Variants in ASPH observed in about 807,000 individuals in gnomAD.
ASPH encodes aspartate beta-hydroxylase, also known as aspartyl/asparaginyl beta-hydroxylase.
Under a neutral mutation model 118.4 loss-of-function variants are expected in ASPH, and 100 were observed. The observed-to-expected ratio is 0.84, with a 90% CI of 0.72 to 1.00. The LOEUF (loss-of-function observed/expected upper bound fraction) is 1.00. ASPH is among the 50% of genes least tolerant of loss of function. The pLI, the probability that ASPH is intolerant of heterozygous loss-of-function variation, is 0.00. For synonymous variants in ASPH, 315 were observed against 325.6 expected, an observed-to-expected ratio of 0.97 and a Z score of 0.35; for missense variants, 920 against 919.5, an observed-to-expected ratio of 1.00 and a Z score of -0.01.
At chr8:61,628,980 C>CA (rs1024421181) in intron 13 of ASPH, among the ~76,000 whole-genome samples, 50 of 152,316 alleles carry the variant, frequency 3.3e-4, no homozygotes, top group African/African-American at 1.2e-3. Context: ...CCCTTGCCCC[C>CA]AGACCTCTGG....
At chr8:61,618,554 A>G (rs1849815689) in intron 14 of ASPH, among the ~76,000 whole-genome samples, 1 of 152,246 alleles carries the variant, frequency 6.6e-6, no homozygotes, top group Non-Finnish European at 1.5e-5. Context: ...TTGACATATC[A>G]ACAATAAATG....
At chr8:61,667,254 C>T (rs901334119) in intron 3 of ASPH, among the ~76,000 whole-genome samples, 3 of 152,096 alleles carry the variant, frequency 2.0e-5, no homozygotes, top group African/African-American at 7.2e-5. Flanking sequence ...CATGCCTCTA[C>T]CCACAAAGAA....
intron 14 of ASPH, among the ~76,000 whole-genome samples, chr8:61,584,662 TTTC>T (rs1323077774): frequency 2.0e-4 from 31 of 151,328 alleles, no homozygotes; most frequent in Non-Finnish European, 2.7e-4. Context: ...TTTTTCTTTC[TTTC>T]TTCTTTTTTT....
chr8:61,714,423 G>A lies in ASPH; in HGVS notation c.-52C>T. 1 of 1,393,294 alleles carries A rather than the reference G, an allele frequency of 7.2e-7. No individual in the cohort carries two copies. The highest frequency in any genetic ancestry group is 9.3e-7 in the Non-Finnish European group (1 of 1,070,516). The allele number at this position is 1,393,294 out of a possible 1,614,324, so 86.3% of individuals were successfully genotyped here. A position where few individuals can be genotyped will look rare whatever the true frequency, so the allele number is the denominator to read the frequency against. ...GCTGGCGGACCTCCTTCAGTGCGCG[G>A]GGGTACACACGCGACGCGGGAACCG... On this transcript the variant is annotated 5_prime_UTR_variant, in exon 1 of 25. Transcript: ENST00000379454.
At chr8:61,698,173 C>G (rs915160412) in intron 1 of ASPH, among the ~76,000 whole-genome samples, 1 of 152,162 alleles carries the variant, frequency 6.6e-6, no homozygotes, top group African/African-American at 2.4e-5. Context: ...AGAAGCAGTT[C>G]AGAGACTCCA....
chr8:61,595,984 C>A (rs1842405781), intron 14 of ASPH, among the ~76,000 whole-genome samples: 1 of 149,450 alleles, frequency 6.7e-6, no homozygotes, highest in Admixed American at 6.6e-5. Context: ...CCCCAGTGTG[C>A]CATCTGGATG....
At chr8:61,646,162 T>C (rs1002382602) in intron 6 of ASPH, among the ~76,000 whole-genome samples, 45 of 152,294 alleles carry the variant, frequency 3.0e-4, no homozygotes, top group African/African-American at 1.0e-3. Context: ...TTACCAGCCA[T>C]GTTGGGTAGG....
intron 15 of ASPH, among the ~76,000 whole-genome samples, chr8:61,581,625 T>G (rs1257704003): frequency 6.6e-6 from 1 of 152,232 alleles, no homozygotes; most frequent in East Asian, 1.9e-4. Flanking sequence ...TGAACAATAT[T>G]AATCTTATCT....
At chr8:61,629,192 A>T (rs1854407781) in intron 13 of ASPH, among the ~76,000 whole-genome samples, 1 of 152,248 alleles carries the variant, frequency 6.6e-6, no homozygotes, top group African/African-American at 2.4e-5. Context: ...AGAAACCATG[A>T]TGCTCACATA....
intron 14 of ASPH, among the ~76,000 whole-genome samples, chr8:61,590,395 A>C (rs1587757528): frequency 6.6e-6 from 1 of 152,228 alleles, no homozygotes; most frequent in African/African-American, 2.4e-5. Context: ...CAAGACAGAG[A>C]GTGGAAAACT....
intron 14 of ASPH, among the ~76,000 whole-genome samples, chr8:61,609,613 A>T (rs1846684660): frequency 6.6e-6 from 1 of 152,186 alleles, no homozygotes; most frequent in Admixed American, 6.5e-5. Flanking sequence ...ATTAAAACAG[A>T]ATTTGATTTA....
Position 61,653,653 on chromosome 8 carries a change from T to C in ASPH, c.330A>G (p.Lys110=). 6.2e-7 allele frequency: 1 copy of C among 1,613,636 alleles called. No homozygotes were observed. ...VDDAKVLLGL[K]ERSTSEPAVP... The stretch of plus-strand genomic sequence containing the variant: ...CTGCTGGCTCTGAAGTAGATCTCTC[T>C]TTAAGTCCTGCATTTTTTTATTCAC... Residue 110 remains lysine (K), a synonymous_variant, in exon 4 of 25, where the codon AAA becomes AAG. Coordinates refer to ENST00000379454, the MANE Select transcript of ASPH (RefSeq NM_004318.4).
At position 61,501,763 on chromosome 8, in the gene ASPH, A is replaced by G. The variant is rs1025400417; in HGVS notation, c.*1596T>C. 1.3e-5 allele frequency: 2 copies of G among 152,224 alleles called. No homozygotes were observed. Among genetic ancestry groups the G allele is most frequent in the Admixed American group, 6.5e-5 (1 of 15,282 alleles). The allele number at this position is 152,224 out of a possible 1,614,324, so 9.4% of individuals were successfully genotyped here. ...AGCAAAACAAAAGAACAGGAAAAGT[A>G]TTTTGCAAACTCATCTACTGGAAGC... On this transcript the variant is annotated 3_prime_UTR_variant, in exon 25 of 25. Transcript: ENST00000379454.
Position 61,604,264 on chromosome 8 carries a change from T to C in ASPH, c.976+14714A>G, listed in dbSNP as rs146399157. On this transcript the variant is annotated intron_variant, in intron 14 of 24. Coordinates refer to ENST00000379454, the MANE Select transcript of ASPH (RefSeq NM_004318.4). ...GCAAGAAGACTCCCTGGATGTGATA[T>C]ACAAGCCTGAGATGTCACAGGGCCG... is the stretch of plus-strand genomic sequence containing the variant. Among the ~76,000 whole-genome samples the C allele has an allele frequency of 7.0e-4, 107 of 152,210 alleles. 1 individual carries two copies. The highest frequency in any genetic ancestry group is 2.5e-3 in the African/African-American group (103 of 41,536).
intron 13 of ASPH, among the ~76,000 whole-genome samples, chr8:61,628,922 A>G (rs1854270333): frequency 6.6e-6 from 1 of 152,252 alleles, no homozygotes; most frequent in Admixed American, 6.5e-5. Flanking sequence ...ATATATATAT[A>G]AAGCACTTAT....
intron 14 of ASPH, among the ~76,000 whole-genome samples, chr8:61,592,281 CTTAA>C (rs1016265746): frequency 3.3e-5 from 5 of 152,162 alleles, no homozygotes; most frequent in Admixed American, 6.6e-5. Context: ...AAATTCTATG[CTTAA>C]TTAAGTGGGA....
At position 61,622,695 on chromosome 8, in the gene ASPH, A is replaced by G. The variant is rs1228625793; in HGVS notation, c.935-3676T>C. ...CTTTGGCCTCCCTCCAATGGCTTCC[A>G]CCTTGCACCAGCTGCCGGAGAGTTG... is the stretch of plus-strand genomic sequence containing the variant. On this transcript the variant is annotated intron_variant, in intron 13 of 24. Transcript: ENST00000379454. Among the ~76,000 whole-genome samples the G allele has an allele frequency of 2.6e-5, 4 of 151,980 alleles. No homozygotes were observed. The East Asian group carries it at 7.7e-4, about 29-fold the overall frequency.
chr8:61,550,487 G>C (rs1586918412), intron 20 of ASPH, among the ~76,000 whole-genome samples: 1 of 141,206 alleles, frequency 7.1e-6, no homozygotes, highest in African/African-American at 2.5e-5. Flanking sequence ...AAGAGAGAGA[G>C]AGAGAGAGAG....
At chr8:61,608,461 C>G (rs912852641) in intron 14 of ASPH, among the ~76,000 whole-genome samples, 1 of 152,138 alleles carries the variant, frequency 6.6e-6, no homozygotes, top group Non-Finnish European at 1.5e-5. Flanking sequence ...GTTTGCTTAC[C>G]ATTTGTGGCT....
Sources: allele counts gnomAD v4.1 joint callset (sites outside exome capture counted in the v4.1 genomes callset), GRCh38; gene constraint gnomAD v4.1.1; transcripts MANE v1.5; gene names NCBI Gene and HGNC (gene_info 2026-07-23, HGNC 2026-07-21).